The following FBN2 variants were observed in gnomAD, a reference collection of about 807,000 sequenced individuals.
FBN2 encodes the protein fibrillin-2.
A neutral mutation model predicts 355.6 loss-of-function variants in FBN2; 105 were observed. That is an observed-to-expected ratio of 0.30 (90% CI 0.25 to 0.35). The LOEUF (loss-of-function observed/expected upper bound fraction) is 0.35. Ranked by LOEUF, FBN2 falls within the 10% of genes least tolerant of loss-of-function variation. The probability of loss-of-function intolerance (pLI) is 1.00; values close to 1 mark genes in which losing one functional copy is unlikely to be tolerated. For synonymous variants in FBN2, 1,350 were observed against 1,301.2 expected (o/e 1.04, Z -0.81); for missense variants, 3,280 against 3,758.7 (o/e 0.87, Z 3.33).
At chr5:128,408,597 G>T in intron 8 of FBN2, 77 bp downstream of exon 8, 1 of 1,511,034 alleles carries the variant, frequency 6.6e-7, no homozygotes, top group Non-Finnish European at 9.2e-7. Context: ...TATAATCGTT[G>T]CCATCTTCAT....
At chr5:128,371,779 T>C (rs534759888) in intron 15 of FBN2, among the ~76,000 whole-genome samples, 3 of 152,152 alleles carry the variant, frequency 2.0e-5, no homozygotes, top group African/African-American at 4.8e-5. Context: ...GTGATCCACC[T>C]GCCTTGGCCT....
intron 39 of FBN2, 127 bp from the exon 40 acceptor site, chr5:128,310,235 GAA>G (rs1749996913): frequency 2.6e-6 from 2 of 774,290 alleles, no homozygotes; most frequent in African/African-American, 3.5e-5. Context: ...TAGAAATAAA[GAA>G]AATATCCCAA....
At chr5:128,409,808 A>C (rs953330030) in intron 7 of FBN2, among the ~76,000 whole-genome samples, 60 of 152,194 alleles carry the variant, frequency 3.9e-4, no homozygotes, top group African/African-American at 1.4e-3. Context: ...AGTTGCATTT[A>C]TTCTTTTAAA....
At chr5:128,398,642 AAG>A (rs1332644206) in intron 8 of FBN2, among the ~76,000 whole-genome samples, 4 of 152,274 alleles carry the variant, frequency 2.6e-5, no homozygotes, top group Non-Finnish European at 5.9e-5. Context: ...AAACGTTAAA[AAG>A]AGGTTAAGAA....
At chr5:128,285,111 T>C (rs1469607664) in intron 55 of FBN2, among the ~76,000 whole-genome samples, 4 of 152,248 alleles carry the variant, frequency 2.6e-5, no homozygotes, top group South Asian at 4.1e-4. Context: ...ATTAGGTTTA[T>C]GGTTTTCATT....
intron 6 of FBN2, among the ~76,000 whole-genome samples, chr5:128,448,102 A>C (rs1315066905): frequency 6.6e-6 from 1 of 152,160 alleles, no homozygotes; most frequent in Non-Finnish European, 1.5e-5. Context: ...TTGAGGACTC[A>C]GATTCTTTAT....
chr5:128,294,240 T>A (rs1337865823), intron 48 of FBN2, among the ~76,000 whole-genome samples: 2 of 152,008 alleles, frequency 1.3e-5, no homozygotes, highest in East Asian at 3.9e-4. Flanking sequence ...TCTATCATTG[T>A]TGGACATTTG....
At position 128,392,105 on chromosome 5, in the gene FBN2, A is replaced by T; in HGVS notation, c.1516T>A (p.Leu506Ile). The T allele has an allele frequency of 1.2e-6, 2 of 1,613,692 alleles. No homozygotes were observed. The highest frequency in any genetic ancestry group is 2.2e-5 in the South Asian group (2 of 91,054). Residue 506 changes from leucine to isoleucine, a missense_variant, in exon 11 of 65, where the codon TTA becomes ATA. By Grantham distance (5) the Leu-to-Ile change is conservative. This residue lies in a region of FBN2 where 2,284 missense variants were observed against 2,749.5 expected (regional missense o/e 0.83). Transcript: ENST00000262464. ...DICKHHANLC[L>I]NGRCIPTVSS... ...ACAGTTGGTATACAGCGTCCATTTA[A>T]ACAAAGGTTAGCATGATGCTTACAG...
chr5:128,359,466 TA>T, intron 19 of FBN2, among the ~76,000 whole-genome samples: 1 of 152,192 alleles, frequency 6.6e-6, no homozygotes, highest in Admixed American at 6.5e-5. Flanking sequence ...AAACTCTTAA[TA>T]AAATGCAAAT....
chr5:128,429,273 T>A (rs901283343), intron 7 of FBN2, among the ~76,000 whole-genome samples: 1 of 152,160 alleles, frequency 6.6e-6, no homozygotes, highest in African/African-American at 2.4e-5. Context: ...GGGTGAGCGA[T>A]GGGCCACTAA....
At chr5:128,329,400 G>T (rs1057114964) in intron 33 of FBN2, among the ~76,000 whole-genome samples, 1 of 152,052 alleles carries the variant, frequency 6.6e-6, no homozygotes, top group African/African-American at 2.4e-5. Context: ...TAAGAGGGAA[G>T]GAAAAATCAC....
Position 128,537,540 on chromosome 5 carries a change from A to G in FBN2, c.64T>C (p.Trp22Arg), listed in dbSNP as rs1169187102. Residue 22 changes from tryptophan to arginine, a missense_variant, in exon 1 of 65, where the codon TGG becomes CGG. Transcript: ENST00000262464. ...GGCTGGCCGGCCGTGCCCTGCGCCC[A>G]GAGCACCACACAGCCCAGCCACAGG... Reference protein sequence around the residue: ...YFLWLGCVVLWAQGTAGQPQP... With the variant: ...YFLWLGCVVLRAQGTAGQPQP... The G allele has an allele frequency of 2.5e-6, 4 of 1,595,298 alleles. No homozygotes were observed. Among genetic ancestry groups the G allele is most frequent in the Non-Finnish European group, 3.4e-6 (4 of 1,173,294 alleles).
chr5:128,466,300 C>T (rs959774596), intron 5 of FBN2, among the ~76,000 whole-genome samples: 2 of 152,150 alleles, frequency 1.3e-5, no homozygotes, highest in African/African-American at 2.4e-5. Context: ...CAAAATACCA[C>T]TCAGGTTTCT....
At chr5:128,509,955 C>T (rs1756068929) in intron 5 of FBN2, among the ~76,000 whole-genome samples, 1 of 152,152 alleles carries the variant, frequency 6.6e-6, no homozygotes, top group Admixed American at 6.5e-5. Flanking sequence ...GTTCCTTCTC[C>T]AGTCTCAGAA....
chr5:128,291,131 T>C (rs1749311136), intron 49 of FBN2, among the ~76,000 whole-genome samples: 1 of 152,168 alleles, frequency 6.6e-6, no homozygotes, highest in Non-Finnish European at 1.5e-5. Flanking sequence ...AGTATCAAAG[T>C]GATTTCCACA....
Position 128,305,024 on chromosome 5 carries a change from C to T in FBN2, c.5733G>A (p.Leu1911=). ...NVCSHGLCVD[L]QGSYQCICHN... is the part of the protein sequence containing the mutation. ...GGCAGATGCACTGGTAACTTCCTTG[C>T]AGATCAACACACAAGCCATGACTGC... The change falls in exon 45 of 65, where the codon CTG becomes CTA. Residue 1911 remains leucine (L), a synonymous_variant. Transcript: ENST00000262464. 6.2e-7 allele frequency: 1 copy of T among 1,613,354 alleles called. No individual in the cohort carries two copies. The highest frequency in any genetic ancestry group is 8.5e-7 in the Non-Finnish European group (1 of 1,179,774).
At chr5:128,499,020 C>A (rs1055473276) in intron 5 of FBN2, among the ~76,000 whole-genome samples, 4 of 152,106 alleles carry the variant, frequency 2.6e-5, no homozygotes, top group African/African-American at 9.7e-5. Flanking sequence ...AGCCAAGATT[C>A]GAAGCTATTA....
intron 7 of FBN2, among the ~76,000 whole-genome samples, chr5:128,420,656 TTAAA>T (rs1378947280): frequency 6.6e-6 from 1 of 152,218 alleles, no homozygotes. Context: ...GGTATATCTC[TTAAA>T]TAAATATTTT....
intron 2 of FBN2, among the ~76,000 whole-genome samples, chr5:128,534,138 T>C (rs1581377213): frequency 6.6e-6 from 1 of 152,282 alleles, no homozygotes; most frequent in Middle Eastern, 3.4e-3. Context: ...TATGAGAAAA[T>C]TAATATTTGG....
Sources: allele counts gnomAD v4.1 joint callset (sites outside exome capture counted in the v4.1 genomes callset), GRCh38; gene constraint gnomAD v4.1.1; regional missense constraint gnomAD v4.1.1; transcripts MANE v1.5; gene names NCBI Gene and HGNC (gene_info 2026-07-23, HGNC 2026-07-21).